DUOX2: variants seen among roughly 807,000 people sequenced by gnomAD.
The protein encoded by DUOX2 is NADH/NADPH thyroid oxidase p138-tox.
In DUOX2, 185 loss-of-function variants were observed where a neutral mutation model predicts 183.3. The ratio of observed to expected loss-of-function variants is 1.01; its 90% CI spans 0.90 to 1.14. The LOEUF (loss-of-function observed/expected upper bound fraction) is 1.14, where lower values mean the gene tolerates loss of function less well. Ranked by LOEUF, DUOX2 falls within the 50% of genes most tolerant of loss-of-function variation. The probability of loss-of-function intolerance (pLI) is 0.00; values close to 1 mark genes in which losing one functional copy is unlikely to be tolerated. For missense variants in DUOX2, 1,999 were observed against 2,022.9 expected (o/e 0.99, Z 0.23); for synonymous variants, 788 against 812.4 (o/e 0.97, Z 0.51).
chr15:45,101,370 C>T, intron 21 of DUOX2, 96 bp from the exon 22 acceptor site: 1 of 1,076,778 alleles, frequency 9.3e-7, no homozygotes, highest in Non-Finnish European at 1.4e-6. Context: ...AAAGTCATGT[C>T]CAGATCTCTG....
At chr15:45,109,738 C>T (rs1473856419) in intron 10 of DUOX2, 112 bp from the exon 11 acceptor site, 2 of 1,343,142 alleles carry the variant, frequency 1.5e-6, no homozygotes, top group Non-Finnish European at 2.1e-6. Flanking sequence ...CCCAGACTCT[C>T]TTGAACTGTT....
intron 25 of DUOX2, 30 bp downstream of exon 25, chr15:45,099,632 C>A: frequency 6.2e-7 from 1 of 1,613,224 alleles, no homozygotes; most frequent in Non-Finnish European, 8.5e-7. Flanking sequence ...GGTGCTGCAG[C>A]AAAGAGGAAG....
chr15:45,109,429 C>T, intron 11 of DUOX2, 95 bp downstream of exon 11: 1 of 1,014,840 alleles, frequency 9.9e-7, no homozygotes, highest in Non-Finnish European at 1.6e-6. Context: ...TGTGTTCCTG[C>T]ATCGTGAGCG....
At chr15:45,099,969 C>T in intron 24 of DUOX2, 77 bp from the exon 25 acceptor site, 1 of 1,612,638 alleles carries the variant, frequency 6.2e-7, no homozygotes, top group South Asian at 1.1e-5. Flanking sequence ...CATGCAGACT[C>T]TTAGGATCAG....
In DUOX2 at chr15:45,110,676, A is replaced by G; in HGVS notation, c.917T>C (p.Leu306Pro). Reference sequence around the variant, plus strand: ...TGTATACTCCGGGAGTGTTTTCTGCAGGAAGCTGGGCAGCCACTCATACAC... The same window carrying G: ...TGTATACTCCGGGAGTGTTTTCTGCGGGAAGCTGGGCAGCCACTCATACAC... ...IAVYEWLPSFLQKTLPEYTGY... is the reference protein window; with the variant it reads ...IAVYEWLPSFPQKTLPEYTGY... Residue 306 changes from leucine (L) to proline (P), a missense_variant, in exon 8 of 34, where the codon CTG becomes CCG. Physicochemically the swap from Leu to Pro is moderately conservative, Grantham distance 98. Transcript: ENST00000389039. 2 of 1,612,530 alleles carry G rather than the reference A, an allele frequency of 1.2e-6. No homozygotes were observed. Among genetic ancestry groups the G allele is most frequent in the South Asian group, 1.1e-5 (1 of 91,014 alleles).
At position 45,112,652 on chromosome 15, in the gene DUOX2, G is replaced by A. The variant is rs767705906; in HGVS notation, c.227C>T (p.Pro76Leu). 5.6e-6 allele frequency: 9 copies of A among 1,612,754 alleles called. No homozygotes were observed. The East Asian group carries it at 2.0e-4, about 36-fold the overall frequency. Residue 76 changes from proline to leucine, a missense_variant, in exon 4 of 34, where the codon CCG becomes CTG. Coordinates refer to ENST00000389039, the MANE Select transcript of DUOX2 (RefSeq NM_001363711.2). ...ADGVYQALEE[P>L]QLPNPRRLSN... ...GAGCCGGCGCGGGTTGGGCAGCTGC[G>A]GCTCCTCCAGAGCCTGATACACACC...
chr15:45,101,330 AT>A, intron 21 of DUOX2, 56 bp from the exon 22 acceptor site: 1 of 1,476,350 alleles, frequency 6.8e-7, no homozygotes, highest in Non-Finnish European at 9.4e-7. Context: ...GTGGGGTAGG[AT>A]GGGAGACTGT....
intron 31 of DUOX2, 27 bp downstream of exon 31, chr15:45,095,410 T>C: frequency 6.2e-7 from 1 of 1,614,024 alleles, no homozygotes; most frequent in Non-Finnish European, 8.5e-7. Context: ...CTATGCCCCA[T>C]TTGATGAATG....
intron 29 of DUOX2, 50 bp downstream of exon 29, chr15:45,097,188 G>A: frequency 6.2e-7 from 1 of 1,612,982 alleles, no homozygotes; most frequent in Non-Finnish European, 8.5e-7. Context: ...CCCCATGTCT[G>A]AAGATTTGGC....
chr15:45,098,387 T>C (rs1364492048), intron 26 of DUOX2, among the ~76,000 whole-genome samples: 1 of 152,224 alleles, frequency 6.6e-6, no homozygotes. Context: ...CTTAGAACAA[T>C]ACAAGGCACA....
chr15:45,103,703 GTT>G (rs75922593), intron 20 of DUOX2, among the ~76,000 whole-genome samples: 4 of 146,812 alleles, frequency 2.7e-5, no homozygotes, highest in African/African-American at 7.4e-5. Flanking sequence ...TTGGTGTTGG[GTT>G]TTTTTTTTTC....
chr15:45,106,978 G>C lies in DUOX2; in HGVS notation c.1694-9C>G, dbSNP rs1198481494. 6.4e-7 allele frequency: 1 copy of C among 1,570,824 alleles called. No individual in the cohort carries two copies. Among genetic ancestry groups the C allele is most frequent in the Admixed American group, 1.9e-5 (1 of 51,924 alleles). Reference sequence around the variant, plus strand: ...TTGAGGGCAGGGTGCACCTGAGGGAGAGGGCAGGGAAGACCTCAAAGTCTG... The same window carrying C: ...TTGAGGGCAGGGTGCACCTGAGGGACAGGGCAGGGAAGACCTCAAAGTCTG... On this transcript the variant is annotated splice_polypyrimidine_tract_variant and intron_variant, in intron 14 of 33. Coordinates refer to ENST00000389039, the MANE Select transcript of DUOX2 (RefSeq NM_001363711.2).
In DUOX2 at chr15:45,112,671, A is replaced by G. The variant is rs756135332; in HGVS notation, c.208T>C (p.Tyr70His). ...RVPANYADGV[Y>H]QALEEPQLPN... ...AGCTGCGGCTCCTCCAGAGCCTGATACACACCGTCGGCGTAATTGGCTGGT... is the reference window on the plus strand; with the variant it reads ...AGCTGCGGCTCCTCCAGAGCCTGATGCACACCGTCGGCGTAATTGGCTGGT... The change falls in exon 4 of 34, where the codon TAT (tyrosine) becomes CAT (histidine). Residue 70 changes from tyrosine to histidine, a missense_variant. Tyr to His is a moderately conservative substitution (Grantham distance 83). Transcript: ENST00000389039. 9 of 1,612,768 alleles carry G rather than the reference A, an allele frequency of 5.6e-6. No individual in the cohort carries two copies. The South Asian group carries it at 8.8e-5, about 16-fold the overall frequency.
intron 9 of DUOX2, 87 bp from the exon 10 acceptor site, chr15:45,110,067 T>A (rs1483425049): frequency 7.4e-6 from 9 of 1,218,748 alleles, no homozygotes; most frequent in African/African-American, 1.5e-5. Context: ...CAGTGGGGGT[T>A]CACTAGGATT....
rs886051193 is a variant in DUOX2 at position 45,100,742 on chromosome 15, G to A, written c.3005+13C>T. 1.2e-6 allele frequency: 2 copies of A among 1,612,590 alleles called. No individual in the cohort carries two copies. Among genetic ancestry groups the A allele is most frequent in the Middle Eastern group, 1.6e-4 (1 of 6,062 alleles). ...CATGTCTCTTTGGGCCCAGGGATTT[G>A]GGAGACACTCACTTTTTGCCAAACC... On this transcript the variant is annotated intron_variant, in intron 23 of 33. Transcript: ENST00000389039.
At position 45,107,411 on chromosome 15, in the gene DUOX2, C is replaced by T. The variant is rs765474223; in HGVS notation, c.1627G>A (p.Val543Met). 8.5e-5 allele frequency: 138 copies of T among 1,614,104 alleles called. No individual in the cohort carries two copies. The highest frequency in any genetic ancestry group is 6.6e-4 in the Middle Eastern group (4 of 6,084). ...EDIRNTTLRD[V>M]LVAVINIDPS... ...TCAATGTTGATAACAGCGACCAGCA[C>T]GTCCCGCAGGGTGGTATTTCGGATG... Residue 543 changes from valine (V) to methionine (M), a missense_variant, in exon 14 of 34, where the codon GTG becomes ATG. This residue lies in a region of DUOX2 where 1,628 missense variants were observed against 1,608.6 expected (regional missense o/e 1.01). Transcript: ENST00000389039.
rs778503984 is a variant in DUOX2, at chr15:45,107,436, G to T, written c.1602C>A (p.Asp534Glu). Residue 534 changes from aspartate to glutamate, a missense_variant, in exon 14 of 34, where the codon GAC becomes GAA. Transcript: ENST00000389039. ...CGTCCCGCAGGGTGGTATTTCGGAT[G>T]TCTTCAATCTCCTTCTTGGAGAACA... ...NGLFSKKEIE[D>E]IRNTTLRDVL... 10 of 1,614,114 alleles carry T rather than the reference G, an allele frequency of 6.2e-6. No individual in the cohort carries two copies. Among genetic ancestry groups the T allele is most frequent in the Non-Finnish European group, 4.2e-6 (5 of 1,180,054 alleles).
At chr15:45,107,868 A>AAG (rs1555413796) in intron 13 of DUOX2, among the ~76,000 whole-genome samples, 179 bp downstream of exon 13, 491 of 13,488 alleles carry the variant, frequency 0.036, 3 homozygotes, top group African/African-American at 0.11. Context: ...AAAAAAAAAA[A>AAG]AAAAGAAAAA....
intron 14 of DUOX2, 36 bp downstream of exon 14, chr15:45,107,309 C>T: frequency 6.2e-7 from 1 of 1,610,370 alleles, no homozygotes; most frequent in Non-Finnish European, 8.5e-7. Flanking sequence ...CTTCTCTGGC[C>T]ACTGTCACTC....
Sources: gnomAD v4.1 joint callset for allele counts (sites outside exome capture counted in the v4.1 genomes callset) on GRCh38, gnomAD v4.1.1 for gene constraint, gnomAD v4.1.1 regional missense constraint, MANE v1.5 for transcripts, NCBI Gene and HGNC (gene_info 2026-07-23, HGNC 2026-07-21) for gene names.